Variants in SPRR2G observed in about 807,000 individuals in gnomAD.
The protein encoded by SPRR2G is small proline-rich protein 2G.
A neutral mutation model predicts 0.7 loss-of-function variants in SPRR2G; 1 was observed. The observed-to-expected ratio is 1.49, with a 90% CI of 0.53 to 7.06. The LOEUF (loss-of-function observed/expected upper bound fraction) is 7.06. SPRR2G is among the 30% of genes most tolerant of loss of function. The pLI is 0.14. For missense variants in SPRR2G, 96 were observed against 88.5 expected (o/e 1.09, Z -0.34); for synonymous variants, 38 against 33.9 (o/e 1.12, Z -0.42).
At chr1:153,188,209 G>A in the SPRR2G span, among the ~76,000 whole-genome samples, 4 of 152,196 alleles carry the variant, frequency 2.6e-5, no homozygotes, top group African/African-American at 9.7e-5. Flanking sequence ...GAGGCAGTCT[G>A]TCCCTTAGTA....
At chr1:153,183,402 A>G in the SPRR2G span, among the ~76,000 whole-genome samples, 2 of 151,910 alleles carry the variant, frequency 1.3e-5, no homozygotes, top group African/African-American at 4.8e-5. Flanking sequence ...CTTTTTAATC[A>G]TCGCCATTCT....
At chr1:153,175,239 T>C in the SPRR2G span, among the ~76,000 whole-genome samples, 70 of 152,302 alleles carry the variant, frequency 4.6e-4, no homozygotes, top group Non-Finnish European at 6.8e-4. Flanking sequence ...CCCTATAAGC[T>C]AAACACCACT....
At chr1:153,153,811 C>T (rs1255018619), upstream of SPRR2G, among the ~76,000 whole-genome samples, 1 of 151,906 alleles carries the variant, frequency 6.6e-6, no homozygotes, top group African/African-American at 2.4e-5. Flanking sequence ...ACATAATATG[C>T]CTTTAAGTTT....
At chr1:153,179,480 A>G in the SPRR2G span, among the ~76,000 whole-genome samples, 1 of 152,282 alleles carries the variant, frequency 6.6e-6, no homozygotes, top group East Asian at 1.9e-4. Context: ...AAATATAACA[A>G]TGTCACGCCT....
At chr1:153,151,863 CA>C (rs1176502670), upstream of SPRR2G, among the ~76,000 whole-genome samples, 4 of 152,184 alleles carry the variant, frequency 2.6e-5, no homozygotes, top group Non-Finnish European at 5.9e-5. Flanking sequence ...ATAGCTGGCA[CA>C]GATCCCACGG....
At chr1:153,156,248 T>C in the SPRR2G span, among the ~76,000 whole-genome samples, 2 of 152,200 alleles carry the variant, frequency 1.3e-5, no homozygotes, top group African/African-American at 2.4e-5. Context: ...TTCATGATTT[T>C]CCAGACATCT....
the SPRR2G span, among the ~76,000 whole-genome samples, chr1:153,164,279 C>T: frequency 6.6e-6 from 1 of 152,132 alleles, no homozygotes; most frequent in East Asian, 1.9e-4. Context: ...TAGGCTGGCT[C>T]AGCAATGAAT....
chr1:153,191,994 A>G, the SPRR2G span, among the ~76,000 whole-genome samples: 2 of 152,352 alleles, frequency 1.3e-5, no homozygotes, highest in South Asian at 2.1e-4. Context: ...GCTAGAAAGC[A>G]TCTAGTTTAT....
the SPRR2G span, among the ~76,000 whole-genome samples, chr1:153,156,400 T>C: frequency 6.6e-6 from 1 of 152,342 alleles, no homozygotes; most frequent in South Asian, 2.1e-4. Context: ...ATGCATGTGA[T>C]TGCTGAATAA....
the SPRR2G span, among the ~76,000 whole-genome samples, chr1:153,163,398 T>C: frequency 6.6e-6 from 1 of 152,216 alleles, no homozygotes; most frequent in Non-Finnish European, 1.5e-5. Context: ...CTTTCCACTA[T>C]ATTAGCCCTG....
At position 153,149,802 on chromosome 1, in the gene SPRR2G, A is replaced by G. The variant is rs184008626; in HGVS notation, c.*87T>C. 253 of 1,498,886 alleles carry G rather than the reference A, an allele frequency of 1.7e-4. No individual in the cohort carries two copies. The African/African-American group carries it at 3.2e-3, about 19-fold the overall frequency. The allele number at this position is 1,498,886 out of a possible 1,614,324, so 92.8% of individuals were successfully genotyped here. On this transcript the variant is annotated 3_prime_UTR_variant, in exon 2 of 2. Transcript: ENST00000368748. ...GTTAGGGAAGATGCAGCCTCCCACT[A>G]CAGCTGAAGGGAAGATGATGGAGTC...
chr1:153,198,011 G>A, the SPRR2G span, among the ~76,000 whole-genome samples: 1 of 152,104 alleles, frequency 6.6e-6, no homozygotes, highest in East Asian at 1.9e-4. Context: ...GAGTAGATCA[G>A]GAAGTAAATA....
upstream of SPRR2G, among the ~76,000 whole-genome samples, chr1:153,153,803 A>G (rs1656522210): frequency 6.6e-6 from 1 of 152,168 alleles, no homozygotes; most frequent in Admixed American, 6.5e-5. Flanking sequence ...CTGCTACTAC[A>G]TAATATGCCT....
the SPRR2G span, among the ~76,000 whole-genome samples, chr1:153,186,558 T>C: frequency 6.6e-6 from 1 of 152,070 alleles, no homozygotes; most frequent in Non-Finnish European, 1.5e-5. Flanking sequence ...TTTTTTCTAT[T>C]TGCTACATCC....
the SPRR2G span, among the ~76,000 whole-genome samples, chr1:153,157,173 T>C: frequency 6.6e-6 from 1 of 152,238 alleles, no homozygotes; most frequent in African/African-American, 2.4e-5. Flanking sequence ...TTGTGAATTA[T>C]TGCTCAGCTT....
the SPRR2G span, among the ~76,000 whole-genome samples, chr1:153,164,359 C>T: frequency 6.6e-6 from 1 of 152,146 alleles, no homozygotes; most frequent in Non-Finnish European, 1.5e-5. Context: ...AAGTTTTGTC[C>T]ACCAGCAACT....
At chr1:153,151,247 G>A (rs376370761), upstream of SPRR2G, among the ~76,000 whole-genome samples, 1 of 152,196 alleles carries the variant, frequency 6.6e-6, no homozygotes, top group East Asian at 1.9e-4. Context: ...GTATCTAGCT[G>A]TGTTCTCTTT....
At chr1:153,157,104 C>A in the SPRR2G span, among the ~76,000 whole-genome samples, 1 of 152,230 alleles carries the variant, frequency 6.6e-6, no homozygotes, top group East Asian at 1.9e-4. Context: ...ACTTTGGCAC[C>A]ATCATAAAAT....
chr1:153,163,723 T>A, the SPRR2G span, among the ~76,000 whole-genome samples: 2 of 152,208 alleles, frequency 1.3e-5, no homozygotes, highest in African/African-American at 4.8e-5. Flanking sequence ...CCCATCCATG[T>A]AACTTCTGTG....
Sources: allele counts gnomAD v4.1 joint callset (sites outside exome capture counted in the v4.1 genomes callset), GRCh38; gene constraint gnomAD v4.1.1; transcripts MANE v1.5; gene names NCBI Gene and HGNC (gene_info 2026-07-23, HGNC 2026-07-21).